Variants in CA7 observed in about 807,000 individuals in gnomAD.
CA7 encodes carbonic anhydrase 7.
Under a neutral mutation model 31.4 loss-of-function variants are expected in CA7, and 13 were observed. That is an observed-to-expected ratio of 0.41 (90% CI 0.27 to 0.66). CA7 has a LOEUF of 0.66. Among genes scored for constraint, CA7 ranks in the 30% least tolerant of loss-of-function variants. CA7 has a pLI of 0.28. For missense variants in CA7, 215 were observed against 351.0 expected (o/e 0.61, Z 3.10); for synonymous variants, 128 against 133.2 (o/e 0.96, Z 0.27).
In CA7 at chr16:66,847,046, C is replaced by T. The variant is rs1457912609; in HGVS notation, c.57C>T (p.His19=). Residue 19 remains histidine, a synonymous_variant, in exon 2 of 7, where the codon CAC becomes CAT. Coordinates refer to ENST00000338437, the MANE Select transcript of CA7 (RefSeq NM_005182.3). ...YGQDDGPSHW[H]KLYPIAQGDR... Reference sequence around the variant, plus strand: ...CACCTGCAGGCCCCTCGCATTGGCACAAGCTGTATCCCATTGCCCAGGGAG... The same window carrying T: ...CACCTGCAGGCCCCTCGCATTGGCATAAGCTGTATCCCATTGCCCAGGGAG... 1 of 1,614,056 alleles carries T rather than the reference C, an allele frequency of 6.2e-7. No homozygotes were observed. Among genetic ancestry groups the T allele is most frequent in the Non-Finnish European group, 8.5e-7 (1 of 1,180,028 alleles).
Position 66,853,592 on chromosome 16 carries a change from G to T in CA7, c.*94G>T, listed in dbSNP as rs1375387821. 1 of 1,526,994 alleles carries T rather than the reference G, an allele frequency of 6.5e-7. No individual in the cohort carries two copies. The highest frequency in any genetic ancestry group is 1.8e-5 in the Admixed American group (1 of 55,106). 94.6% of individuals were successfully genotyped at this position (1,526,994 alleles called of 1,614,324 possible). On this transcript the variant is annotated 3_prime_UTR_variant, in exon 7 of 7. Transcript: ENST00000338437. The surrounding 1 kb of genome is among the most constrained non-coding windows in gnomAD (Gnocchi z 4.5). ...AACCATCTGAGGCTTCCTCCCTGGG[G>T]GGTGCTGGGGACCCTCCTTCAGCCA...
chr16:66,853,655 A>C lies in CA7; in HGVS notation c.*157A>C, dbSNP rs1961114328. On this transcript the variant is annotated 3_prime_UTR_variant, in exon 7 of 7. Coordinates refer to ENST00000338437, the MANE Select transcript of CA7 (RefSeq NM_005182.3). The surrounding 1 kb of genome is among the most constrained non-coding windows in gnomAD (Gnocchi z 4.5). Reference sequence around the variant, plus strand: ...GTCACCCTGGAGGCTTCTGGATGGGACCCTTGAGTCTGGGGCACCCTTCAG... The same window carrying C: ...GTCACCCTGGAGGCTTCTGGATGGGCCCCTTGAGTCTGGGGCACCCTTCAG... 1 of 940,738 alleles carries C rather than the reference A, an allele frequency of 1.1e-6. No individual in the cohort carries two copies. The highest frequency in any genetic ancestry group is 1.6e-6 in the Non-Finnish European group (1 of 643,612). 58.3% of individuals were successfully genotyped at this position (940,738 alleles called of 1,614,324 possible).
chr16:66,845,064 G>A (rs1960898177), intron 1 of CA7: 2 of 985,864 alleles, frequency 2.0e-6, no homozygotes, highest in Admixed American at 6.1e-5. Context: ...GGGCACTTGG[G>A]GGCGCAAGCA....
intron 5 of CA7, 100 bp from the exon 6 acceptor site, chr16:66,852,607 GAAAAA>G: frequency 3.0e-6 from 1 of 336,626 alleles, no homozygotes; most frequent in East Asian, 1.2e-4. Flanking sequence ...GAAAAGAAAA[GAAAAA>G]AGAAAAGAAA....
At chr16:66,848,337 G>T (rs192446065) in intron 2 of CA7, among the ~76,000 whole-genome samples, 1 of 152,334 alleles carries the variant, frequency 6.6e-6, no homozygotes, top group Admixed American at 6.5e-5. Flanking sequence ...TTGGGGAGGG[G>T]GCGTGGGGCT....
chr16:66,845,567 C>A (rs1025513994), intron 1 of CA7, among the ~76,000 whole-genome samples: 1 of 152,000 alleles, frequency 6.6e-6, no homozygotes, highest in African/African-American at 2.4e-5. Context: ...TGGAAGAGAA[C>A]CCCCAGATCT....
chr16:66,851,769 A>C, intron 5 of CA7, 43 bp downstream of exon 5: 2 of 1,566,626 alleles, frequency 1.3e-6, no homozygotes, highest in Non-Finnish European at 1.7e-6. Flanking sequence ...ATGGGGAGAG[A>C]GGAAGAGGCT....
intron 2 of CA7, among the ~76,000 whole-genome samples, chr16:66,848,655 G>T (rs974977911): frequency 1.3e-5 from 2 of 152,206 alleles, no homozygotes; most frequent in Non-Finnish European, 2.9e-5. Context: ...GAGGTCAGAC[G>T]GGTTGATGCC....
At chr16:66,846,418 G>C (rs1327300048) in intron 1 of CA7, among the ~76,000 whole-genome samples, 1 of 152,206 alleles carries the variant, frequency 6.6e-6, no homozygotes, top group Non-Finnish European at 1.5e-5. Context: ...TGGACTTGCA[G>C]GCACACACAT....
intron 3 of CA7, among the ~76,000 whole-genome samples, 190 bp downstream of exon 3, chr16:66,850,849 C>T (rs1961030545): frequency 1.3e-5 from 2 of 152,184 alleles, no homozygotes; most frequent in South Asian, 4.1e-4. Context: ...CCACTGCTAT[C>T]CTTCCTGGTC....
rs539215485 is a variant in CA7, at chr16:66,850,521, C to T, written c.239-20C>T. The T allele has an allele frequency of 6.4e-5, 90 of 1,397,316 alleles. No individual in the cohort carries two copies. In the Admixed American group the frequency reaches 9.4e-4, roughly 15 times the overall value. 86.6% of individuals were successfully genotyped at this position (1,397,316 alleles called of 1,614,324 possible). A position where few individuals can be genotyped will look rare whatever the true frequency, so the allele number is the denominator to read the frequency against. ...CGGTCCTCTCCTACTCATTGCCACT[C>T]GCCCCACTTCTACCCACAGTGGTGA... On this transcript the variant is annotated intron_variant, in intron 2 of 6. Transcript: ENST00000338437.
intron 2 of CA7, among the ~76,000 whole-genome samples, chr16:66,849,711 A>G (rs969491399): frequency 2.6e-5 from 4 of 152,094 alleles, no homozygotes; most frequent in Admixed American, 6.5e-5. Context: ...GGACAGCTAG[A>G]TAGAGAGCTG....
chr16:66,851,260 A>G (rs1260116591), intron 3 of CA7, among the ~76,000 whole-genome samples: 4 of 152,178 alleles, frequency 2.6e-5, no homozygotes, highest in African/African-American at 4.8e-5. Context: ...GAGCCCAGAA[A>G]AGAATTGGGC....
In CA7 at chr16:66,850,665, G is replaced by C. The variant is rs777867988; in HGVS notation, c.357+6G>C. The C allele has an allele frequency of 1.1e-5, 18 of 1,581,502 alleles. No individual in the cohort carries two copies. Among genetic ancestry groups the C allele is most frequent in the Non-Finnish European group, 1.6e-5 (18 of 1,150,368 alleles). On this transcript the variant is annotated splice_donor_region_variant and intron_variant, in intron 3 of 6. Coordinates refer to ENST00000338437, the MANE Select transcript of CA7 (RefSeq NM_005182.3). Reference sequence around the variant, plus strand: ...GCAAGTCCTTCCCCAGCGAGGTACGGGCCCTCCTCCACTTGAATCCCTCTG... The same window carrying C: ...GCAAGTCCTTCCCCAGCGAGGTACGCGCCCTCCTCCACTTGAATCCCTCTG...
In CA7 at chr16:66,847,221, C is replaced by T. The variant is rs1335028612; in HGVS notation, c.232C>T (p.Arg78Ter). ...VQVDFNDSDD[R>*]TVVTGGPLEG... ...GGTAGACTTCAATGACAGCGATGAC[C>T]GAACCGGTAAGTGGCCCCTGCCAAA... The change falls in exon 2 of 7, where the codon CGA becomes TGA. Residue 78 changes from arginine to a stop codon, truncating the protein, a stop_gained. Coordinates refer to ENST00000338437, the MANE Select transcript of CA7 (RefSeq NM_005182.3). LOFTEE classifies it high-confidence loss of function. 6 of 1,614,122 alleles carry T rather than the reference C, an allele frequency of 3.7e-6. No individual in the cohort carries two copies. Among genetic ancestry groups the T allele is most frequent in the East Asian group, 2.2e-5 (1 of 44,878 alleles).
chr16:66,844,761 G>C lies in CA7; in HGVS notation c.40+234G>C, dbSNP rs1159256464. Reference sequence around the variant, plus strand: ...CCCGCCGCCAGCAAGCGACCTGGCGGCTGTGTCCTGCCGCCTCCTCCGCGA... The same window carrying C: ...CCCGCCGCCAGCAAGCGACCTGGCGCCTGTGTCCTGCCGCCTCCTCCGCGA... On this transcript the variant is annotated intron_variant, in intron 1 of 6. Coordinates refer to ENST00000338437, the MANE Select transcript of CA7 (RefSeq NM_005182.3). 3.3e-5 allele frequency among the ~76,000 whole-genome samples: 5 copies of C among 152,242 alleles called. No individual in the cohort carries two copies. In the East Asian group the frequency reaches 9.6e-4, roughly 29 times the overall value.
At chr16:66,852,568 AAAAG>A (rs1235697471) in intron 5 of CA7, 140 bp from the exon 6 acceptor site, 17 of 539,742 alleles carry the variant, frequency 3.1e-5, no homozygotes, top group Middle Eastern at 1.0e-3. Context: ...GAAAGAAAGA[AAAAG>A]AAAGAAAAGA....
At chr16:66,851,412 T>C (rs1255486220) in intron 3 of CA7, 51 bp from the exon 4 acceptor site, 1 of 1,447,288 alleles carries the variant, frequency 6.9e-7, no homozygotes, top group African/African-American at 1.4e-5. Flanking sequence ...TGGCTCAGAG[T>C]TCCCATTGCC....
chr16:66,851,030 A>C (rs189449113), intron 3 of CA7, among the ~76,000 whole-genome samples: 20 of 152,190 alleles, frequency 1.3e-4, no homozygotes, highest in African/African-American at 4.6e-4. Context: ...TCCCCTGTCC[A>C]CACCTGGCTC....
Sources: gnomAD v4.1 joint callset for allele counts (sites outside exome capture counted in the v4.1 genomes callset) on GRCh38, gnomAD v4.1.1 for gene constraint, Gnocchi (gnomAD v3.1) non-coding constraint, MANE v1.5 for transcripts, NCBI Gene and HGNC (gene_info 2026-07-23, HGNC 2026-07-21) for gene names.